Variants in MBD5 observed in about 807,000 individuals in gnomAD.
MBD5 encodes methyl-CpG binding domain protein 5, also known as methyl-CpG-binding domain protein 5.
Under a neutral mutation model 117.3 loss-of-function variants are expected in MBD5, and 13 were observed. That is an observed-to-expected ratio of 0.11 (90% CI 0.07 to 0.18). The LOEUF (loss-of-function observed/expected upper bound fraction) is 0.18, where lower values mean the gene tolerates loss of function less well. Ranked by LOEUF, MBD5 falls within the 10% of genes least tolerant of loss-of-function variation. The probability of loss-of-function intolerance (pLI) is 1.00; values close to 1 mark genes in which losing one functional copy is unlikely to be tolerated. For missense variants in MBD5, 1,879 were observed against 2,093.8 expected, an observed-to-expected ratio of 0.90 and a Z score of 2.00; for synonymous variants, 727 against 766.4, an observed-to-expected ratio of 0.95 and a Z score of 0.85.
At chr2:148,412,272 TTGTG>T (rs59209677) in intron 4 of MBD5, among the ~76,000 whole-genome samples, 2,979 of 144,426 alleles carry the variant, frequency 0.021, 103 homozygotes, top group African/African-American at 0.071. Flanking sequence ...AGTATACTTT[TTGTG>T]TGTGTGTGTG....
intron 4 of MBD5, among the ~76,000 whole-genome samples, chr2:148,361,366 CAA>C (rs59893022): frequency 6.9e-6 from 1 of 144,900 alleles, no homozygotes; most frequent in African/African-American, 2.5e-5. Context: ...ACAAACAAAA[CAA>C]AAAAAAAAAC....
intron 4 of MBD5, among the ~76,000 whole-genome samples, chr2:148,417,189 C>A (rs895780526): frequency 3.0e-4 from 46 of 151,522 alleles, no homozygotes; most frequent in African/African-American, 9.9e-4. Flanking sequence ...GTGGTGTGAT[C>A]TTGGCTCACT....
At chr2:148,165,904 A>G (rs1698116429) in intron 1 of MBD5, among the ~76,000 whole-genome samples, 1 of 152,148 alleles carries the variant, frequency 6.6e-6, no homozygotes, top group Non-Finnish European at 1.5e-5. Flanking sequence ...TTTGGTTTAA[A>G]CATTTGAATA....
intron 2 of MBD5, among the ~76,000 whole-genome samples, chr2:148,222,749 T>A (rs1287046251): frequency 2.0e-5 from 3 of 152,112 alleles, no homozygotes; most frequent in African/African-American, 7.2e-5. Context: ...TCCTTCCAAT[T>A]TAGATGCCCT....
At chr2:148,119,913 T>G (rs1292588338) in intron 1 of MBD5, among the ~76,000 whole-genome samples, 1 of 151,922 alleles carries the variant, frequency 6.6e-6, no homozygotes, top group Non-Finnish European at 1.5e-5. Context: ...TTTGCCTTTT[T>G]TTTTTTTGGA....
intron 4 of MBD5, among the ~76,000 whole-genome samples, chr2:148,365,626 TA>T (rs1297200220): frequency 1.3e-5 from 2 of 151,756 alleles, no homozygotes; most frequent in Non-Finnish European, 2.9e-5. Flanking sequence ...ATAGACACAA[TA>T]AAAAATGATA....
chr2:148,064,752 T>C (rs1488082402), intron 1 of MBD5, among the ~76,000 whole-genome samples: 1 of 152,234 alleles, frequency 6.6e-6, no homozygotes, highest in Non-Finnish European at 1.5e-5. Context: ...AGGCTTTATA[T>C]TGGCTCATTT....
intron 1 of MBD5, among the ~76,000 whole-genome samples, chr2:148,152,733 T>A (rs1457462241): frequency 2.0e-5 from 3 of 150,556 alleles, no homozygotes; most frequent in Admixed American, 6.6e-5. Flanking sequence ...TGGTTTAAAG[T>A]CTGTTTTATC....
intron 4 of MBD5, among the ~76,000 whole-genome samples, chr2:148,367,794 G>C (rs1397178149): frequency 6.6e-6 from 1 of 152,204 alleles, no homozygotes; most frequent in Admixed American, 6.5e-5. Context: ...TTTCACACCA[G>C]TTAGAATGGC....
At chr2:148,022,231 TG>T (rs1693769823) in intron 1 of MBD5, among the ~76,000 whole-genome samples, 3 of 152,224 alleles carry the variant, frequency 2.0e-5, no homozygotes, top group Admixed American at 2.0e-4. Context: ...GATTGGTTTT[TG>T]CTTTAAGGGT....
intron 2 of MBD5, among the ~76,000 whole-genome samples, chr2:148,208,673 A>C (rs1699345533): frequency 6.8e-6 from 1 of 146,774 alleles, no homozygotes. Context: ...TTTTTTTTCC[A>C]AGGTTGCCTG....
intron 1 of MBD5, among the ~76,000 whole-genome samples, chr2:148,114,646 A>G (rs1696584880): frequency 6.6e-6 from 1 of 152,160 alleles, no homozygotes; most frequent in Non-Finnish European, 1.5e-5. Context: ...ATGCTGAAAA[A>G]TTGTTGGTTA....
chr2:148,110,000 C>T (rs1362924867), intron 1 of MBD5, among the ~76,000 whole-genome samples: 1 of 152,096 alleles, frequency 6.6e-6, no homozygotes, highest in African/African-American at 2.4e-5. Flanking sequence ...TCTTAAAGTA[C>T]TAAAGTTAAT....
At chr2:148,384,733 A>T (rs1018518781) in intron 4 of MBD5, among the ~76,000 whole-genome samples, 1 of 152,114 alleles carries the variant, frequency 6.6e-6, no homozygotes, top group African/African-American at 2.4e-5. Context: ...TACAGTAACC[A>T]AAACAGCATG....
rs541207226 is a variant in MBD5, at chr2:148,147,234, T to A, written c.-924-31466T>A. ...AACTGAACATTTTATTTATTTATTT[T>A]TATTTTATTTATTTTATTTTTTTTC... On this transcript the variant is annotated intron_variant, in intron 1 of 13. Coordinates refer to ENST00000642680, the MANE Select transcript of MBD5 (RefSeq NM_001378120.1). Among the ~76,000 whole-genome samples the A allele has an allele frequency of 9.0e-3, 1,368 of 151,908 alleles. 12 individuals carry two copies. Among genetic ancestry groups the A allele is most frequent in the African/African-American group, 0.031 (1,276 of 41,492 alleles).
At chr2:148,439,802 G>C (rs888156116) in intron 4 of MBD5, among the ~76,000 whole-genome samples, 5 of 146,862 alleles carry the variant, frequency 3.4e-5, no homozygotes, top group Non-Finnish European at 7.4e-5. Flanking sequence ...GCAGTGGTAT[G>C]ATCATAGTTT....
chr2:148,421,863 G>T (rs938428453), intron 4 of MBD5, among the ~76,000 whole-genome samples: 1 of 152,182 alleles, frequency 6.6e-6, no homozygotes, highest in Non-Finnish European at 1.5e-5. Flanking sequence ...AGGCTGCTGC[G>T]GCCAGACTGC....
chr2:148,089,158 T>C (rs1382475172), intron 1 of MBD5, among the ~76,000 whole-genome samples: 1 of 152,058 alleles, frequency 6.6e-6, no homozygotes, highest in East Asian at 1.9e-4. Context: ...AATATTATAA[T>C]TGTAAAGATA....
chr2:148,210,738 A>G (rs552732878), intron 2 of MBD5, among the ~76,000 whole-genome samples: 2 of 152,232 alleles, frequency 1.3e-5, no homozygotes, highest in East Asian at 3.9e-4. Context: ...CTATATAAAC[A>G]TTGGTAATGT....
Sources: gnomAD v4.1 joint callset for allele counts (sites outside exome capture counted in the v4.1 genomes callset) on GRCh38, gnomAD v4.1.1 for gene constraint, MANE v1.5 for transcripts, NCBI Gene and HGNC (gene_info 2026-07-23, HGNC 2026-07-21) for gene names.